ADGRB3: variants seen among roughly 807,000 people sequenced by gnomAD.
The protein encoded by ADGRB3 is brain-specific angiogenesis inhibitor 3.
ADGRB3 carries 37 observed loss-of-function variants against 193.4 expected under a neutral mutation model. That is an observed-to-expected ratio of 0.19 (90% confidence interval 0.15 to 0.25). The LOEUF (loss-of-function observed/expected upper bound fraction) is 0.25. ADGRB3 is among the 10% of genes least tolerant of loss of function. The pLI is 1.00. For missense variants in ADGRB3, 1,637 were observed against 1,852.9 expected (o/e 0.88, Z 2.14); for synonymous variants, 690 against 644.2 (o/e 1.07, Z -1.08).
rs555231862 is a variant in ADGRB3, at chr6:68,998,144, T to A, written c.1929+4182T>A. ...GACAACTTCATAAATCAGAATATTG[T>A]ATTCACCTTAAGAAATTAATAAAAT... is the stretch of plus-strand genomic sequence containing the variant. On this transcript the variant is annotated intron_variant, in intron 11 of 31. Transcript: ENST00000370598. Among the ~76,000 whole-genome samples the A allele has an allele frequency of 7.9e-5, 12 of 152,312 alleles. No individual in the cohort carries two copies. In the East Asian group the frequency reaches 2.3e-3, roughly 29 times the overall value.
intron 17 of ADGRB3, among the ~76,000 whole-genome samples, chr6:69,141,586 G>A (rs909001566): frequency 6.6e-6 from 1 of 152,028 alleles, no homozygotes; most frequent in African/African-American, 2.4e-5. Flanking sequence ...TAGTGGGTAT[G>A]AGGAAATATG....
chr6:68,985,947 G>A (rs970508778), intron 10 of ADGRB3, among the ~76,000 whole-genome samples: 1 of 152,100 alleles, frequency 6.6e-6, no homozygotes, highest in Non-Finnish European at 1.5e-5. Context: ...CACAGAGCAT[G>A]CTCTAGTTCC....
intron 3 of ADGRB3, among the ~76,000 whole-genome samples, chr6:68,735,971 C>T (rs970067445): frequency 6.6e-6 from 1 of 152,040 alleles, no homozygotes. Flanking sequence ...AACTGTGTGA[C>T]TTAAAATAGC....
At chr6:69,342,883 T>C (rs1374189576) in intron 26 of ADGRB3, among the ~76,000 whole-genome samples, 1 of 151,920 alleles carries the variant, frequency 6.6e-6, no homozygotes, top group Admixed American at 6.6e-5. Context: ...CAATGTAAAA[T>C]ATATATTTTT....
chr6:69,315,464 A>G (rs1043206153), intron 20 of ADGRB3, among the ~76,000 whole-genome samples: 2 of 151,580 alleles, frequency 1.3e-5, no homozygotes, highest in African/African-American at 4.8e-5. Flanking sequence ...TACTATGTGT[A>G]AAGTTATGTA....
intron 17 of ADGRB3, among the ~76,000 whole-genome samples, chr6:69,105,125 A>C (rs1442559665): frequency 6.6e-6 from 1 of 152,218 alleles, no homozygotes; most frequent in Non-Finnish European, 1.5e-5. Flanking sequence ...TCTCAATTGC[A>C]AGAAATGTTT....
chr6:69,029,199 T>A (rs547503270), intron 13 of ADGRB3, among the ~76,000 whole-genome samples: 10 of 152,240 alleles, frequency 6.6e-5, no homozygotes, highest in Non-Finnish European at 1.3e-4. Context: ...TGTTCTATAT[T>A]TCTACATCAA....
At chr6:69,128,453 C>T (rs1219289564) in intron 17 of ADGRB3, among the ~76,000 whole-genome samples, 1 of 152,098 alleles carries the variant, frequency 6.6e-6, no homozygotes, top group Non-Finnish European at 1.5e-5. Flanking sequence ...ATATCAATAA[C>T]TTAAAATGTT....
chr6:69,106,917 A>AT (rs1203005426), intron 17 of ADGRB3, among the ~76,000 whole-genome samples: 1 of 152,200 alleles, frequency 6.6e-6, no homozygotes, highest in Non-Finnish European at 1.5e-5. Flanking sequence ...GCAGCATGAA[A>AT]ACCTGCCTAG....
intron 3 of ADGRB3, among the ~76,000 whole-genome samples, chr6:68,706,877 C>T (rs533509413): frequency 2.6e-5 from 4 of 151,972 alleles, no homozygotes; most frequent in South Asian, 2.1e-4. Context: ...TTTGGGAGGC[C>T]GAGGCAAGCA....
intron 11 of ADGRB3, 58 bp downstream of exon 11, chr6:68,994,020 C>A: frequency 6.4e-7 from 1 of 1,552,212 alleles, no homozygotes; most frequent in South Asian, 1.2e-5. Flanking sequence ...AGTTTTTGGT[C>A]CCACGAAGCC....
At chr6:69,264,513 CT>C (rs911360878) in intron 20 of ADGRB3, among the ~76,000 whole-genome samples, 56 of 148,368 alleles carry the variant, frequency 3.8e-4, no homozygotes, top group East Asian at 9.8e-4. Context: ...TTCTCATCTC[CT>C]TTTTTTTTTA....
intron 30 of ADGRB3, among the ~76,000 whole-genome samples, chr6:69,380,259 G>A (rs1769919093): frequency 1.3e-5 from 2 of 151,998 alleles, no homozygotes; most frequent in South Asian, 4.1e-4. Context: ...ACTGTTGGAA[G>A]GGGATGGAAT....
intron 3 of ADGRB3, among the ~76,000 whole-genome samples, chr6:68,749,408 ATGTGTGTGTGTG>A (rs60078030): frequency 3.0e-4 from 41 of 136,564 alleles, no homozygotes; most frequent in African/African-American, 7.8e-4. Flanking sequence ...ATATATATAT[ATGTGTGTGTGTG>A]TGTGTGTGTG....
At chr6:69,368,637 G>A (rs1769637564) in intron 29 of ADGRB3, among the ~76,000 whole-genome samples, 1 of 152,106 alleles carries the variant, frequency 6.6e-6, no homozygotes, top group African/African-American at 2.4e-5. Context: ...TCAACATTTA[G>A]AAGGCAGGGA....
chr6:69,130,801 C>G (rs1011129228), intron 17 of ADGRB3, among the ~76,000 whole-genome samples: 1 of 151,924 alleles, frequency 6.6e-6, no homozygotes, highest in Non-Finnish European at 1.5e-5. Flanking sequence ...GATTTCAGCT[C>G]TTTAATGCCT....
At chr6:68,957,153 A>G (rs1037419765) in intron 8 of ADGRB3, among the ~76,000 whole-genome samples, 32 of 152,222 alleles carry the variant, frequency 2.1e-4, no homozygotes, top group African/African-American at 7.7e-4. Context: ...TTGATGTGTG[A>G]CCTTGATTAT....
chr6:69,156,479 A>T (rs1007046005), intron 17 of ADGRB3, among the ~76,000 whole-genome samples: 3 of 152,192 alleles, frequency 2.0e-5, no homozygotes, highest in Non-Finnish European at 4.4e-5. Context: ...TGTGGCAAAG[A>T]ATGAGACAAG....
chr6:68,787,868 C>T (rs770329713), intron 3 of ADGRB3, among the ~76,000 whole-genome samples: 18 of 152,250 alleles, frequency 1.2e-4, no homozygotes, highest in Middle Eastern at 3.4e-3. Context: ...CAACTTCTTC[C>T]TGGTTTAGTC....
Sources: gnomAD v4.1 joint callset for allele counts (sites outside exome capture counted in the v4.1 genomes callset) on GRCh38, gnomAD v4.1.1 for gene constraint, MANE v1.5 for transcripts, NCBI Gene and HGNC (gene_info 2026-07-23, HGNC 2026-07-21) for gene names.